SDHC: variants seen among roughly 807,000 people sequenced by gnomAD.
SDHC encodes the protein succinate dehydrogenase cytochrome b560 subunit, mitochondrial.
A neutral mutation model predicts 22.6 loss-of-function variants in SDHC; 11 were observed. The ratio of observed to expected loss-of-function variants is 0.49; its 90% CI spans 0.31 to 0.81. SDHC has a LOEUF of 0.81. Among genes scored for constraint, SDHC ranks in the 30% least tolerant of loss-of-function variants. The pLI, the probability that SDHC is intolerant of heterozygous loss-of-function variation, is 0.05. For synonymous variants in SDHC, 80 were observed against 77.8 expected, an observed-to-expected ratio of 1.03 and a Z score of -0.15; for missense variants, 160 against 212.0, an observed-to-expected ratio of 0.75 and a Z score of 1.52.
chr1:161,331,966 T>G (rs995220255), intron 3 of SDHC, among the ~76,000 whole-genome samples: 66 of 151,970 alleles, frequency 4.3e-4, no homozygotes, highest in African/African-American at 1.4e-3. Flanking sequence ...AGTCCTGTTT[T>G]TTTGTTTGTT....
At chr1:161,318,197 A>G (rs1670699733) in intron 1 of SDHC, among the ~76,000 whole-genome samples, 1 of 151,992 alleles carries the variant, frequency 6.6e-6, no homozygotes. Context: ...GTACTGTGTT[A>G]TACAATAGAT....
At chr1:161,326,036 G>T (rs1671034357) in intron 2 of SDHC, among the ~76,000 whole-genome samples, 2 of 151,840 alleles carry the variant, frequency 1.3e-5, no homozygotes, top group South Asian at 4.2e-4. Context: ...ACCCCATCTT[G>T]ACTGAAAATA....
chr1:161,317,790 A>T (rs1670682284), intron 1 of SDHC, among the ~76,000 whole-genome samples: 1 of 150,044 alleles, frequency 6.7e-6, no homozygotes, highest in Non-Finnish European at 1.5e-5. Context: ...TGAACTCCTG[A>T]CCTCAGGTGA....
intron 2 of SDHC, among the ~76,000 whole-genome samples, chr1:161,325,231 G>A (rs918204744): frequency 7.3e-5 from 11 of 151,584 alleles, no homozygotes; most frequent in Non-Finnish European, 5.9e-5. Flanking sequence ...AAGAAGATTG[G>A]ATGTGGTGGC....
intron 5 of SDHC, among the ~76,000 whole-genome samples, chr1:161,361,496 G>GA (rs1672508018): frequency 1.3e-5 from 2 of 152,102 alleles, no homozygotes; most frequent in African/African-American, 2.4e-5. Flanking sequence ...CTGTATCTAG[G>GA]AAATCAGGCA....
intron 1 of SDHC, chr1:161,314,650 C>G (rs1670536577): frequency 3.3e-6 from 2 of 600,206 alleles, no homozygotes; most frequent in East Asian, 5.5e-5. Flanking sequence ...ATCGAGGGGC[C>G]CTCGGCTCTC....
intron 3 of SDHC, among the ~76,000 whole-genome samples, chr1:161,335,771 C>T (rs2102324412): frequency 6.6e-6 from 1 of 152,220 alleles, no homozygotes; most frequent in South Asian, 2.1e-4. Context: ...ATCTCTGTCA[C>T]ATACATACGT....
At chr1:161,329,814 T>C (rs1339390887) in intron 3 of SDHC, among the ~76,000 whole-genome samples, 1 of 152,228 alleles carries the variant, frequency 6.6e-6, no homozygotes, top group East Asian at 1.9e-4. Flanking sequence ...TTCCAACTTT[T>C]ATAGGCCATC....
intron 1 of SDHC, among the ~76,000 whole-genome samples, chr1:161,319,024 A>G (rs993487127): frequency 6.6e-5 from 10 of 152,204 alleles, no homozygotes; most frequent in African/African-American, 2.4e-4. Flanking sequence ...AGCCTGGGTG[A>G]CAAGAGCAAA....
chr1:161,351,153 A>G (rs1461843197), intron 4 of SDHC, among the ~76,000 whole-genome samples: 1 of 152,200 alleles, frequency 6.6e-6, no homozygotes, highest in African/African-American at 2.4e-5. Flanking sequence ...ACTTGGCCTA[A>G]ATGACATTTC....
intron 1 of SDHC, among the ~76,000 whole-genome samples, chr1:161,323,245 G>A (rs561891683): frequency 2.3e-4 from 35 of 152,146 alleles, no homozygotes; most frequent in South Asian, 2.1e-4. Flanking sequence ...TGATCCGTCC[G>A]CCTCGGCCTC....
chr1:161,350,771 A>G (rs1457483992), intron 4 of SDHC, among the ~76,000 whole-genome samples: 3 of 152,212 alleles, frequency 2.0e-5, no homozygotes, highest in South Asian at 4.1e-4. Flanking sequence ...ATGAAAAGAA[A>G]TGGAATTTGA....
At chr1:161,328,290 C>A in intron 2 of SDHC, 106 bp from the exon 3 acceptor site, 1 of 912,188 alleles carries the variant, frequency 1.1e-6, no homozygotes, top group South Asian at 1.3e-5. Context: ...GCCTGAGCAA[C>A]CATGCCTGGC....
chr1:161,328,984 T>C (rs1671172635), intron 3 of SDHC, among the ~76,000 whole-genome samples: 1 of 151,794 alleles, frequency 6.6e-6, no homozygotes, highest in Non-Finnish European at 1.5e-5. Flanking sequence ...CTCAGCTCAC[T>C]GCATCCTCTG....
At chr1:161,326,631 T>C (rs1671064804) in intron 2 of SDHC, 1 of 148,860 alleles carries the variant, frequency 6.7e-6, no homozygotes, top group South Asian at 2.1e-4. Context: ...ATTTTTTTTT[T>C]TTCTTTTTTT....
intron 4 of SDHC, among the ~76,000 whole-genome samples, chr1:161,347,552 G>A (rs1671943540): frequency 6.6e-6 from 1 of 150,762 alleles, no homozygotes; most frequent in Non-Finnish European, 1.5e-5. Flanking sequence ...ACCACACCCG[G>A]CTGAGGTCTG....
chr1:161,354,166 C>T (rs1672187166), intron 4 of SDHC, among the ~76,000 whole-genome samples: 1 of 152,008 alleles, frequency 6.6e-6, no homozygotes. Flanking sequence ...TAATTACTTA[C>T]TAATAGGATG....
intron 3 of SDHC, among the ~76,000 whole-genome samples, chr1:161,333,657 G>A (rs1027728871): frequency 2.0e-5 from 3 of 152,014 alleles, no homozygotes; most frequent in Non-Finnish European, 2.9e-5. Flanking sequence ...CTGCCTCAGC[G>A]TCCCAAAGTG....
intron 1 of SDHC, among the ~76,000 whole-genome samples, chr1:161,320,633 C>T (rs559066378): frequency 3.3e-5 from 5 of 152,036 alleles, no homozygotes; most frequent in South Asian, 2.1e-4. Context: ...CTAAAGACCT[C>T]GGGGAGACCA....
Sources: allele counts gnomAD v4.1 joint callset (sites outside exome capture counted in the v4.1 genomes callset), GRCh38; gene constraint gnomAD v4.1.1; transcripts MANE v1.5; gene names NCBI Gene and HGNC (gene_info 2026-07-23, HGNC 2026-07-21).